Variants in ZNF91 observed in about 807,000 individuals in gnomAD.
ZNF91 encodes zinc finger protein 91, also known as zinc finger protein 91 (HPF7, HTF10).
Under a neutral mutation model 12.6 loss-of-function variants are expected in ZNF91, and 7 were observed. The ratio of observed to expected loss-of-function variants is 0.55; its 90% CI spans 0.31 to 1.04. The LOEUF (loss-of-function observed/expected upper bound fraction) is 1.04, where lower values mean the gene tolerates loss of function less well. Ranked by LOEUF, ZNF91 falls within the 50% of genes least tolerant of loss-of-function variation. The pLI, the probability that ZNF91 is intolerant of heterozygous loss-of-function variation, is 0.05. For synonymous variants in ZNF91, 453 were observed against 462.6 expected (o/e 0.98, Z 0.27); for missense variants, 1,217 against 1,385.4 (o/e 0.88, Z 1.93).
rs1258511637 is a variant in ZNF91 at position 23,362,543 on chromosome 19, G to A, written c.436C>T (p.Leu146Phe). 6.2e-7 allele frequency: 1 copy of A among 1,600,888 alleles called. No individual in the cohort carries two copies. The change falls in exon 4 of 4, where the codon CTC (leucine) becomes TTC (phenylalanine). Residue 146 changes from leucine to phenylalanine, a missense_variant. By Grantham distance (22) the Leu-to-Phe change is conservative (BLOSUM62 0). Coordinates refer to ENST00000300619, the MANE Select transcript of ZNF91 (RefSeq NM_003430.4). ...AATACTTTGCTCTGGGCAGTTGTGA[G>A]ACACTGGTTAAGTTTATTATAACCT... ...KEGYNKLNQC[L>F]TTAQSKVFQC...
At chr19:23,350,678 C>A (rs968977979) in intron 3 of ZNF91, among the ~76,000 whole-genome samples, 5 of 152,080 alleles carry the variant, frequency 3.3e-5, no homozygotes, top group African/African-American at 1.2e-4. Context: ...AGGCCCAGTT[C>A]CAAGGTGCAA....
At chr19:23,367,659 AC>A (rs1283348863) in intron 3 of ZNF91, among the ~76,000 whole-genome samples, 1 of 152,206 alleles carries the variant, frequency 6.6e-6, no homozygotes, top group Admixed American at 6.5e-5. Flanking sequence ...AGCAACAATA[AC>A]AAAAACAATG....
intron 1 of ZNF91, among the ~76,000 whole-genome samples, chr19:23,390,284 C>A (rs1429204829): frequency 6.6e-6 from 1 of 152,028 alleles, no homozygotes; most frequent in Admixed American, 6.6e-5. Flanking sequence ...CCATTACACT[C>A]CAGCCTGGGC....
intron 1 of ZNF91, among the ~76,000 whole-genome samples, chr19:23,394,546 C>A (rs975354921): frequency 3.3e-5 from 5 of 151,990 alleles, no homozygotes; most frequent in African/African-American, 9.7e-5. Context: ...GCCTGGCCAA[C>A]AAGGTGAAAC....
In ZNF91 at chr19:23,362,431, T is replaced by G; in HGVS notation, c.548A>C (p.Lys183Thr). The change falls in exon 4 of 4, where the codon AAA becomes ACA. Residue 183 changes from lysine (K) to threonine (T), a missense_variant. Physicochemically the swap from Lys to Thr is moderately conservative, Grantham distance 78. Around this residue, in one of 2 missense-constraint regions of ZNF91, gnomAD observed 726 missense variants for 895.5 expected, o/e 0.81. Transcript: ENST00000300619. ...AAATGACTTGACACATTTTTTACATTTGAAGCATTTCTTTCCAGTATGTCT... is the reference window on the plus strand; with the variant it reads ...AAATGACTTGACACATTTTTTACATGTGAAGCATTTCTTTCCAGTATGTCT... ...TIRHTGKKCF[K>T]CKKCVKSFCI... 6.2e-7 allele frequency: 1 copy of G among 1,613,974 alleles called. No homozygotes were observed. Among genetic ancestry groups the G allele is most frequent in the Non-Finnish European group, 8.5e-7 (1 of 1,179,962 alleles).
In ZNF91 at chr19:23,323,419, TTCC is replaced by T. The variant is rs1405168146; in HGVS notation, n.117-14325_117-14323del. Among the ~76,000 whole-genome samples the T allele has an allele frequency of 2.9e-5, 4 of 137,820 alleles. 1 individual carries two copies. Among genetic ancestry groups the T allele is most frequent in the African/African-American group, 5.6e-5 (2 of 35,534 alleles). 90.4% of individuals were successfully genotyped at this position (137,820 alleles called of 152,430 possible). A position where few individuals can be genotyped will look rare whatever the true frequency, so the allele number is the denominator to read the frequency against. On this transcript the variant is annotated intron_variant and non_coding_transcript_variant, in intron 1 of 1. Transcript: ENST00000596528. The stretch of plus-strand genomic sequence containing the variant: ...CCCCCTCCTTTTCTTTGTTCCTACT[TTCC>T]TCCTTCTCCCCATTCTTTTCCTTTT...
upstream of ZNF91, among the ~76,000 whole-genome samples, chr19:23,313,251 C>T (rs530524939): frequency 1.3e-5 from 2 of 152,360 alleles, no homozygotes; most frequent in Non-Finnish European, 1.5e-5. Flanking sequence ...GGGACCAGCC[C>T]ACATACAGGA....
At position 23,360,026 on chromosome 19, in the gene ZNF91, T is replaced by TA. The variant is rs749320841; in HGVS notation, c.2952dup (p.Lys985Ter). ...GGTTTCTCTCCAGTATGAATTATCT[T>TA]ATGTTCAGTAAGAGTTGAAGATTTC... On this transcript the variant is annotated frameshift_variant, in exon 4 of 4. Transcript: ENST00000300619. LOFTEE classifies it low-confidence loss of function (END_TRUNC). 1 of 1,613,512 alleles carries TA rather than the reference T, an allele frequency of 6.2e-7. No homozygotes were observed. Among genetic ancestry groups the TA allele is most frequent in the Admixed American group, 1.7e-5 (1 of 60,020 alleles).
intron 1 of ZNF91, chr19:23,329,086 T>C (rs1182451497): frequency 1.3e-4 from 20 of 152,244 alleles, no homozygotes; most frequent in Admixed American, 1.3e-3. Flanking sequence ...TGAAAATAAA[T>C]TACATTCTAT....
chr19:23,356,578 C>T (rs1184200838), downstream of ZNF91, among the ~76,000 whole-genome samples: 2 of 151,970 alleles, frequency 1.3e-5, no homozygotes, highest in African/African-American at 4.8e-5. Context: ...ACTTTGGGTA[C>T]TTGCGGGGAA....
At chr19:23,370,020 C>CA (rs1017314284) in intron 3 of ZNF91, among the ~76,000 whole-genome samples, 1 of 131,148 alleles carries the variant, frequency 7.6e-6, no homozygotes, top group Non-Finnish European at 1.7e-5. Flanking sequence ...AAAAAAAAAG[C>CA]AAAAAACAAA....
Position 23,394,044 on chromosome 19 carries a change from T to C in ZNF91, c.30+1281A>G, listed in dbSNP as rs116895526. Among the ~76,000 whole-genome samples, 1,333 of 152,214 alleles carry C rather than the reference T, an allele frequency of 8.8e-3. 13 individuals are homozygous for C. The highest frequency in any genetic ancestry group is 0.013 in the Non-Finnish European group (864 of 68,006). On this transcript the variant is annotated intron_variant, in intron 1 of 3. Coordinates refer to ENST00000300619, the MANE Select transcript of ZNF91 (RefSeq NM_003430.4). ...TTAAAATCGGTATCAAAATGTACAC[T>C]ACAGGACAAATAGTTGATAAAGTGA...
At position 23,362,443 on chromosome 19, in the gene ZNF91, T is replaced by C; in HGVS notation, c.536A>G (p.Lys179Arg). The change falls in exon 4 of 4, where the codon AAG (lysine) becomes AGG (arginine). Residue 179 changes from lysine (K) to arginine (R), a missense_variant. Physicochemically the swap from Lys to Arg is conservative, Grantham distance 26. Around this residue, in one of 2 missense-constraint regions of ZNF91, gnomAD observed 726 missense variants for 895.5 expected, o/e 0.81. Transcript: ENST00000300619. ...SNRHTIRHTG[K>R]KCFKCKKCVK... ...ACATTTTTTACATTTGAAGCATTTC[T>C]TTCCAGTATGTCTTATCGTATGTCT... 1 of 1,613,778 alleles carries C rather than the reference T, an allele frequency of 6.2e-7. No individual in the cohort carries two copies. Among genetic ancestry groups the C allele is most frequent in the Non-Finnish European group, 8.5e-7 (1 of 1,179,900 alleles).
intron 1 of ZNF91, among the ~76,000 whole-genome samples, chr19:23,321,746 CTTTCT>C (rs1434052752): frequency 6.6e-6 from 1 of 152,080 alleles, no homozygotes; most frequent in Non-Finnish European, 1.5e-5. Flanking sequence ...TTTGATGTAT[CTTTCT>C]TTTCTTACCA....
intron 3 of ZNF91, chr19:23,305,265 T>C (rs781320018): frequency 6.6e-6 from 1 of 152,048 alleles, no homozygotes; most frequent in Non-Finnish European, 1.5e-5. Flanking sequence ...CATTTATGAG[T>C]ATGTCTTATA....
intron 3 of ZNF91, among the ~76,000 whole-genome samples, chr19:23,306,519 G>C (rs1028739308): frequency 2.6e-5 from 4 of 152,054 alleles, no homozygotes; most frequent in African/African-American, 9.7e-5. Flanking sequence ...CTGCCCACAG[G>C]GGGCATTTCA....
chr19:23,328,232 AG>A (rs1416941868), intron 1 of ZNF91: 1 of 152,226 alleles, frequency 6.6e-6, no homozygotes, highest in African/African-American at 2.4e-5. Flanking sequence ...CACTTCTATC[AG>A]TGTTAACTGC....
At chr19:23,343,373 GTTTGTAAAACA>G (rs976993680) in intron 3 of ZNF91, among the ~76,000 whole-genome samples, 11 of 152,216 alleles carry the variant, frequency 7.2e-5, no homozygotes, top group Admixed American at 3.9e-4. Flanking sequence ...AAGGAAAATA[GTTTGTAAAACA>G]TCTAGTGATA....
At chr19:23,338,660 T>TTAA (rs1555735005), downstream of ZNF91, 2 of 146,714 alleles carry the variant, frequency 1.4e-5, no homozygotes, top group African/African-American at 5.1e-5. Flanking sequence ...CAAAGACAGA[T>TTAA]AAAAAAATAA....
Sources: allele counts gnomAD v4.1 joint callset (sites outside exome capture counted in the v4.1 genomes callset), GRCh38; gene constraint gnomAD v4.1.1; regional missense constraint gnomAD v4.1.1; transcripts MANE v1.5; gene names NCBI Gene and HGNC (gene_info 2026-07-23, HGNC 2026-07-21).